The following ZMAT4 variants were observed in gnomAD, a reference collection of about 807,000 sequenced individuals.
ZMAT4 encodes zinc finger matrin-type 4.
Under a neutral mutation model 28.7 loss-of-function variants are expected in ZMAT4, and 17 were observed. The ratio of observed to expected loss-of-function variants is 0.59; its 90% confidence interval spans 0.41 to 0.89. The LOEUF (loss-of-function observed/expected upper bound fraction) is 0.89, where lower values mean the gene tolerates loss of function less well. ZMAT4 is among the 40% of genes least tolerant of loss of function. ZMAT4 has a pLI of 0.00. For missense variants in ZMAT4, 240 were observed against 283.8 expected, an observed-to-expected ratio of 0.85 and a Z score of 1.11; for synonymous variants, 117 against 109.2, an observed-to-expected ratio of 1.07 and a Z score of -0.44.
chr8:40,725,409 A>G (rs377154125), intron 3 of ZMAT4, among the ~76,000 whole-genome samples: 76 of 152,248 alleles, frequency 5.0e-4, no homozygotes, highest in African/African-American at 1.8e-3. Flanking sequence ...TTTTGTATGT[A>G]TTAGTATTAA....
chr8:40,582,471 A>G (rs56270838), intron 5 of ZMAT4, among the ~76,000 whole-genome samples: 33,499 of 152,096 alleles, frequency 0.22, 4,399 homozygotes, highest in Non-Finnish European at 0.3. Context: ...CCTGGATGAC[A>G]GAGTGAGGCC....
chr8:40,616,596 T>C (rs1806015125), intron 5 of ZMAT4, among the ~76,000 whole-genome samples: 1 of 152,120 alleles, frequency 6.6e-6, no homozygotes, highest in South Asian at 2.1e-4. Flanking sequence ...GGGACATGGA[T>C]GAAGCTGGAA....
chr8:40,773,826 G>A (rs1036681769), intron 2 of ZMAT4, among the ~76,000 whole-genome samples: 1 of 151,424 alleles, frequency 6.6e-6, no homozygotes, highest in Non-Finnish European at 1.5e-5. Flanking sequence ...ACAATTTCTA[G>A]AATGCTTAGA....
At chr8:40,770,552 T>TG (rs1191529233) in intron 2 of ZMAT4, among the ~76,000 whole-genome samples, 4 of 146,714 alleles carry the variant, frequency 2.7e-5, no homozygotes, top group African/African-American at 1.0e-4. Context: ...CTCTCTCATT[T>TG]TTTTTTTTTT....
chr8:40,694,067 T>C (rs1809771020), intron 4 of ZMAT4, among the ~76,000 whole-genome samples: 1 of 152,196 alleles, frequency 6.6e-6, no homozygotes, highest in African/African-American at 2.4e-5. Context: ...TGTGTTCCTT[T>C]TTTTTTCCTT....
At chr8:40,603,303 A>G (rs1459916135) in intron 5 of ZMAT4, among the ~76,000 whole-genome samples, 1 of 152,188 alleles carries the variant, frequency 6.6e-6, no homozygotes, top group African/African-American at 2.4e-5. Flanking sequence ...TTACACCAGT[A>G]CCATTCTGTT....
intron 6 of ZMAT4, among the ~76,000 whole-genome samples, chr8:40,544,210 A>T (rs185450077): frequency 7.9e-5 from 12 of 152,316 alleles, no homozygotes; most frequent in African/African-American, 2.6e-4. Context: ...TGCTTATAGT[A>T]AACTGTAAGA....
chr8:40,851,545 G>C (rs1418455123), intron 1 of ZMAT4, among the ~76,000 whole-genome samples: 1 of 152,156 alleles, frequency 6.6e-6, no homozygotes, highest in Non-Finnish European at 1.5e-5. Flanking sequence ...GGAAAACCGA[G>C]TGAAGGGTTT....
chr8:40,612,771 A>G lies in ZMAT4; in HGVS notation c.578-31510T>C, dbSNP rs922278025. On this transcript the variant is annotated intron_variant, in intron 5 of 6. Coordinates refer to ENST00000297737, the MANE Select transcript of ZMAT4 (RefSeq NM_024645.3). ...TCCTTATATTTTGTATACTTTATTC[A>G]ATGGGTTTCTACCCAGTCATTCTCT... is the stretch of plus-strand genomic sequence containing the variant. 6.8e-5 allele frequency among the ~76,000 whole-genome samples: 9 copies of G among 132,850 alleles called. 1 individual carries two copies. The highest frequency in any genetic ancestry group is 1.8e-4 in the African/African-American group (7 of 39,264). 87.2% of individuals were successfully genotyped at this position (132,850 alleles called of 152,430 possible).
At chr8:40,722,853 G>T (rs745751394) in intron 3 of ZMAT4, among the ~76,000 whole-genome samples, 1 of 152,120 alleles carries the variant, frequency 6.6e-6, no homozygotes, top group South Asian at 2.1e-4. Flanking sequence ...CTCCACCTGT[G>T]AGCGTCCACA....
chr8:40,832,127 C>T (rs1172449441), intron 1 of ZMAT4, among the ~76,000 whole-genome samples: 1 of 152,144 alleles, frequency 6.6e-6, no homozygotes, highest in Non-Finnish European at 1.5e-5. Context: ...ACTGGGCATG[C>T]CCTTCAGTTT....
At position 40,864,564 on chromosome 8, in the gene ZMAT4, G is replaced by T. The variant is rs1817612922; in HGVS notation, c.-5+33119C>A. Among the ~76,000 whole-genome samples the T allele has an allele frequency of 2.0e-5, 3 of 152,246 alleles. No individual in the cohort carries two copies. In the South Asian group the frequency reaches 6.2e-4, roughly 32 times the overall value. ...GCATCACACATACCCTGTGTGGCCT[G>T]GGTACTCACCCCAGTTGTGGCAGTG... is the stretch of plus-strand genomic sequence containing the variant. On this transcript the variant is annotated intron_variant, in intron 1 of 6. Coordinates refer to ENST00000297737, the MANE Select transcript of ZMAT4 (RefSeq NM_024645.3).
At chr8:40,659,042 A>G (rs1363731460) in intron 5 of ZMAT4, among the ~76,000 whole-genome samples, 3 of 152,176 alleles carry the variant, frequency 2.0e-5, no homozygotes, top group East Asian at 1.9e-4. Flanking sequence ...GGTTGCAGCA[A>G]TGGTGACTTC....
intron 6 of ZMAT4, among the ~76,000 whole-genome samples, chr8:40,580,286 A>T (rs1163104140): frequency 6.6e-6 from 1 of 152,062 alleles, no homozygotes; most frequent in Non-Finnish European, 1.5e-5. Context: ...TGCTGGGACT[A>T]CAGGCATGAG....
chr8:40,709,428 G>A (rs937389533), intron 3 of ZMAT4, among the ~76,000 whole-genome samples: 15 of 151,978 alleles, frequency 9.9e-5, no homozygotes, highest in African/African-American at 2.2e-4. Flanking sequence ...TTACTAAACC[G>A]TATAGAAAGA....
In ZMAT4 at chr8:40,608,700, C is replaced by T. The variant is rs114328609; in HGVS notation, c.578-27439G>A. Among the ~76,000 whole-genome samples the T allele has an allele frequency of 3.8e-3, 574 of 152,232 alleles. 2 individuals are homozygous for T. The highest frequency in any genetic ancestry group is 0.013 in the African/African-American group (550 of 41,550). ...CCACTGGCAGTCCTCCCCAAGGATC[C>T]CTGTGAGACAAAGTCAGAAATGGCC... is the stretch of plus-strand genomic sequence containing the variant. On this transcript the variant is annotated intron_variant, in intron 5 of 6. Transcript: ENST00000297737.
chr8:40,756,104 T>G (rs1812666259), intron 3 of ZMAT4, among the ~76,000 whole-genome samples: 1 of 152,044 alleles, frequency 6.6e-6, no homozygotes, highest in Non-Finnish European at 1.5e-5. Context: ...TTCACTCTCC[T>G]CCCACCAGGG....
At chr8:40,659,080 A>C (rs1808067631) in intron 5 of ZMAT4, among the ~76,000 whole-genome samples, 4 of 152,156 alleles carry the variant, frequency 2.6e-5, no homozygotes, top group Non-Finnish European at 4.4e-5. Flanking sequence ...CACTTGGAAA[A>C]TATGAGTGAC....
At chr8:40,818,798 C>A (rs984861118) in intron 2 of ZMAT4, among the ~76,000 whole-genome samples, 8 of 152,112 alleles carry the variant, frequency 5.3e-5, no homozygotes, top group Non-Finnish European at 8.8e-5. Context: ...ACAACTCTCA[C>A]GCATCAGAAG....
Sources: allele counts gnomAD v4.1 joint callset (sites outside exome capture counted in the v4.1 genomes callset), GRCh38; gene constraint gnomAD v4.1.1; transcripts MANE v1.5; gene names NCBI Gene and HGNC (gene_info 2026-07-23, HGNC 2026-07-21).